Variants in HTR2C observed in about 807,000 individuals in gnomAD.
The protein encoded by HTR2C is 5-hydroxytryptamine receptor 2C, also known as 5-hydroxytryptamine (serotonin) receptor 2C, G protein-coupled.
Under a neutral mutation model 21.0 loss-of-function variants are expected in HTR2C, and 5 were observed. The ratio of observed to expected loss-of-function variants is 0.24; its 90% CI spans 0.12 to 0.50. The LOEUF is 0.50. Ranked by LOEUF, HTR2C falls within the 20% of genes least tolerant of loss-of-function variation. The pLI is 0.98. For synonymous variants in HTR2C, 150 were observed against 145.3 expected (o/e 1.03, Z -0.23); for missense variants, 271 against 371.2 (o/e 0.73, Z 2.22).
chrX:114,737,046 A>C (rs782687270), intron 4 of HTR2C, among the ~76,000 whole-genome samples: 1 of 110,522 alleles, frequency 9.0e-6, no homozygotes, highest in Non-Finnish European at 1.9e-5. Flanking sequence ...AAAGTATATG[A>C]ATAAATTTCC....
chrX:114,877,014 G>A lies in HTR2C; in HGVS notation c.550+28811G>A, dbSNP rs189308059. Among the ~76,000 whole-genome samples, 32 of 111,321 alleles carry A rather than the reference G, an allele frequency of 2.9e-4. No individual in the cohort carries two copies. The East Asian group carries it at 8.5e-3, about 30-fold the overall frequency. ...TGAATTTTGTGAACAAGTTTGAGAA[G>A]GTTTGGTGCTAGTTCTTCATGAAAT... On this transcript the variant is annotated intron_variant, in intron 5 of 5. Transcript: ENST00000276198.
intron 2 of HTR2C, among the ~76,000 whole-genome samples, chrX:114,695,914 G>A (rs1932264002): frequency 8.9e-6 from 1 of 111,811 alleles, no homozygotes; most frequent in Non-Finnish European, 1.9e-5. Flanking sequence ...GAGTTGCAGT[G>A]AGGCTTAATG....
intron 2 of HTR2C, among the ~76,000 whole-genome samples, chrX:114,628,228 G>GTATC (rs3075524): frequency 4.5e-4 from 49 of 109,730 alleles, no homozygotes; most frequent in Middle Eastern, 4.8e-3. Flanking sequence ...CTTGATATCT[G>GTATC]TATCTATCTA....
In HTR2C at chrX:114,812,753, CAAAA is replaced by C. The variant is rs55961441; in HGVS notation, c.350-35242_350-35239del. 1.2e-3 allele frequency among the ~76,000 whole-genome samples: 123 copies of C among 103,538 alleles called. 1 individual carries two copies. The highest frequency in any genetic ancestry group is 4.4e-3 in the African/African-American group (115 of 26,300). The allele number at this position is 103,538 out of a possible 115,157, so 89.9% of individuals were successfully genotyped here. A position where few individuals can be genotyped will look rare whatever the true frequency, so the allele number is the denominator to read the frequency against. ...CAAAAGAAACAAACAAACAAACAAA[CAAAA>C]AAAAAAACAAAAAAACAAGGCTATC... On this transcript the variant is annotated intron_variant, in intron 4 of 5. Coordinates refer to ENST00000276198, the MANE Select transcript of HTR2C (RefSeq NM_000868.4).
At chrX:114,640,419 G>A (rs7885900) in intron 2 of HTR2C, among the ~76,000 whole-genome samples, 365 of 111,805 alleles carry the variant, frequency 3.3e-3, no homozygotes, top group African/African-American at 0.011. Context: ...CTGGGCCATT[G>A]GGAAGTTGAA....
chrX:114,625,354 G>A (rs1230643080), intron 2 of HTR2C, among the ~76,000 whole-genome samples: 1 of 111,790 alleles, frequency 8.9e-6, no homozygotes, highest in African/African-American at 3.3e-5. Flanking sequence ...GAGGAGTTGG[G>A]TCATGAGGTA....
chrX:114,851,033 T>A (rs2070913155), intron 5 of HTR2C, among the ~76,000 whole-genome samples: 2 of 111,494 alleles, frequency 1.8e-5, no homozygotes, highest in Admixed American at 1.9e-4. Flanking sequence ...ATTTAATACA[T>A]CTGGAAGACA....
chrX:114,900,183 AAG>A (rs2071327268), intron 5 of HTR2C, among the ~76,000 whole-genome samples: 1 of 111,838 alleles, frequency 8.9e-6, no homozygotes, highest in Admixed American at 9.5e-5. Context: ...ATGCAAAAAA[AAG>A]GGGATCCAGA....
chrX:114,593,078 G>A (rs1259284676), intron 1 of HTR2C, among the ~76,000 whole-genome samples: 9 of 112,017 alleles, frequency 8.0e-5, no homozygotes, highest in African/African-American at 2.9e-4. Context: ...AAGCCAAGAA[G>A]CAATGCTTAG....
intron 5 of HTR2C, among the ~76,000 whole-genome samples, chrX:114,903,270 G>GCATT (rs1371950487): frequency 1.8e-5 from 2 of 111,803 alleles, no homozygotes; most frequent in East Asian, 5.6e-4. Flanking sequence ...TTTGTTGATT[G>GCATT]CATTCATGGT....
chrX:114,772,487 T>TGGGG (rs201762695), intron 4 of HTR2C, among the ~76,000 whole-genome samples: 3 of 87,676 alleles, frequency 3.4e-5, no homozygotes, highest in African/African-American at 8.6e-5. Context: ...CGGGGCGTGG[T>TGGGG]GGGGGGGCCT....
At chrX:114,692,780 C>T (rs1420761424) in intron 2 of HTR2C, among the ~76,000 whole-genome samples, 1 of 111,764 alleles carries the variant, frequency 8.9e-6, no homozygotes, top group Admixed American at 9.6e-5. Flanking sequence ...AATGAATTAA[C>T]ATACCAAACG....
chrX:114,636,830 G>T (rs1219088897), intron 2 of HTR2C, among the ~76,000 whole-genome samples: 1 of 112,018 alleles, frequency 8.9e-6, no homozygotes, highest in Non-Finnish European at 1.9e-5. Context: ...GAAAAAATAG[G>T]AGTTATAATA....
At chrX:114,831,066 A>G (rs2070721707) in intron 4 of HTR2C, among the ~76,000 whole-genome samples, 1 of 78,072 alleles carries the variant, frequency 1.3e-5, no homozygotes, top group African/African-American at 4.4e-5. Flanking sequence ...CATGGTGTAT[A>G]TGTGCCACAT....
intron 5 of HTR2C, among the ~76,000 whole-genome samples, chrX:114,852,366 G>A (rs1321602066): frequency 3.7e-5 from 4 of 107,523 alleles, no homozygotes; most frequent in East Asian, 2.9e-4. Context: ...CTTCTATTCC[G>A]TGGTTAACCC....
chrX:114,603,398 G>A (rs1292607889), intron 1 of HTR2C, among the ~76,000 whole-genome samples: 5 of 109,149 alleles, frequency 4.6e-5, no homozygotes, highest in African/African-American at 6.7e-5. Flanking sequence ...GCAGACATGA[G>A]GGCTAGGCTA....
intron 2 of HTR2C, among the ~76,000 whole-genome samples, chrX:114,640,595 T>G (rs963736749): frequency 8.9e-6 from 1 of 112,359 alleles, no homozygotes; most frequent in Non-Finnish European, 1.9e-5. Context: ...AGTAAATGTT[T>G]AATGGTTGGC....
chrX:114,594,882 C>T (rs1439563750), intron 1 of HTR2C, among the ~76,000 whole-genome samples: 1 of 110,909 alleles, frequency 9.0e-6, no homozygotes, highest in Non-Finnish European at 1.9e-5. Flanking sequence ...CCTGTTTTCT[C>T]CTCCCTAATT....
In HTR2C at chrX:114,803,152, C is replaced by T. The variant is rs1276089180; in HGVS notation, c.350-44851C>T. Among the ~76,000 whole-genome samples, 939 of 96,596 alleles carry T rather than the reference C, an allele frequency of 9.7e-3. 13 individuals are homozygous for T. Among genetic ancestry groups the T allele is most frequent in the African/African-American group, 0.033 (889 of 26,830 alleles). The allele number at this position is 96,596 out of a possible 115,157, so 83.9% of individuals were successfully genotyped here. On this transcript the variant is annotated intron_variant, in intron 4 of 5. Coordinates refer to ENST00000276198, the MANE Select transcript of HTR2C (RefSeq NM_000868.4). ...ATCATTGTTGGACATTTGGGTTGGT[C>T]CCAAGTCTTTGCTATTGTGAATAAT...
Sources: allele counts gnomAD v4.1 joint callset (sites outside exome capture counted in the v4.1 genomes callset), GRCh38; gene constraint gnomAD v4.1.1; transcripts MANE v1.5; gene names NCBI Gene and HGNC (gene_info 2026-07-23, HGNC 2026-07-21).